EZR: variants seen among roughly 807,000 people sequenced by gnomAD.
EZR encodes the protein ezrin, also known as cytovillin 2.
A neutral mutation model predicts 74.8 loss-of-function variants in EZR; 40 were observed. That is an observed-to-expected ratio of 0.53 (90% CI 0.42 to 0.70). EZR has a LOEUF of 0.70. EZR is among the 30% of genes least tolerant of loss of function. EZR has a pLI of 0.00. For synonymous variants in EZR, 341 were observed against 283.3 expected (o/e 1.20, Z -2.05); for missense variants, 678 against 755.8 (o/e 0.90, Z 1.21).
intron 2 of EZR, among the ~76,000 whole-genome samples, chr6:158,816,797 C>T (rs1777566626): frequency 6.6e-6 from 1 of 152,094 alleles, no homozygotes; most frequent in African/African-American, 2.4e-5. Flanking sequence ...ACAGAAGAAG[C>T]ACACAAGGCC....
At chr6:158,805,145 A>G (rs1472531661) in intron 2 of EZR, among the ~76,000 whole-genome samples, 1 of 151,918 alleles carries the variant, frequency 6.6e-6, no homozygotes, top group Non-Finnish European at 1.5e-5. Context: ...GACCAAGACC[A>G]TCCTGGCCAA....
At chr6:158,780,885 G>A (rs1301841241) in intron 7 of EZR, among the ~76,000 whole-genome samples, 1 of 152,082 alleles carries the variant, frequency 6.6e-6, no homozygotes, top group African/African-American at 2.4e-5. Flanking sequence ...TCCAAGCTAA[G>A]GGTTTAAAGA....
chr6:158,768,291 G>A (rs1217864051), intron 12 of EZR, among the ~76,000 whole-genome samples: 2 of 152,032 alleles, frequency 1.3e-5, no homozygotes, highest in Admixed American at 6.6e-5. Context: ...CTTCTGCCAC[G>A]ATTGTAAATT....
rs142190593 is a variant in EZR, at chr6:158,771,041, G to A, written c.960-147C>T. Reference sequence around the variant, plus strand: ...CTGCTGCCAGCCTGAGCTGCCTGACGGAGCAGCCGCTCCAGGGCTGACAAC... The same window carrying A: ...CTGCTGCCAGCCTGAGCTGCCTGACAGAGCAGCCGCTCCAGGGCTGACAAC... On this transcript the variant is annotated intron_variant, in intron 9 of 13. Coordinates refer to ENST00000367075, the MANE Select transcript of EZR (RefSeq NM_001111077.2). 1,608 of 1,378,674 alleles carry A rather than the reference G, an allele frequency of 1.2e-3. 7 individuals are homozygous for A. Among genetic ancestry groups the A allele is most frequent in the African/African-American group, 0.011 (769 of 69,694 alleles). The allele number at this position is 1,378,674 out of a possible 1,614,324, so 85.4% of individuals were successfully genotyped here. A position where few individuals can be genotyped will look rare whatever the true frequency, so the allele number is the denominator to read the frequency against.
At chr6:158,808,201 G>C in intron 2 of EZR, among the ~76,000 whole-genome samples, 1 of 152,156 alleles carries the variant, frequency 6.6e-6, no homozygotes, top group East Asian at 1.9e-4. Context: ...CTTATCTATG[G>C]GGAACATCTG....
intron 5 of EZR, 46 bp from the exon 6 acceptor site, chr6:158,784,773 C>T (rs749317363): frequency 6.4e-7 from 1 of 1,569,604 alleles, no homozygotes; most frequent in South Asian, 1.1e-5. Context: ...AGGAATGTGA[C>T]AGGCAAGGAA....
At chr6:158,789,926 GT>G (rs992804888) in intron 2 of EZR, among the ~76,000 whole-genome samples, 8 of 152,146 alleles carry the variant, frequency 5.3e-5, no homozygotes, top group East Asian at 1.9e-4. Context: ...AACCTAAGCA[GT>G]TTTTTTCTTT....
At chr6:158,789,608 T>G in intron 2 of EZR, 1 of 646,484 alleles carries the variant, frequency 1.5e-6, no homozygotes, top group Non-Finnish European at 2.9e-6. Context: ...ACACTGACAC[T>G]TAGGTCTAAG....
At chr6:158,791,212 G>C (rs1483671019) in intron 2 of EZR, among the ~76,000 whole-genome samples, 4 of 152,060 alleles carry the variant, frequency 2.6e-5, no homozygotes, top group African/African-American at 9.7e-5. Context: ...TCCAGATCTT[G>C]TTTCAAAAGT....
chr6:158,801,256 A>C (rs1398936144), intron 2 of EZR, among the ~76,000 whole-genome samples: 2 of 152,208 alleles, frequency 1.3e-5, no homozygotes, highest in Non-Finnish European at 2.9e-5. Flanking sequence ...CTGGGATTAC[A>C]GGCGTGCATC....
At chr6:158,816,516 T>C (rs1359617861) in intron 2 of EZR, among the ~76,000 whole-genome samples, 2 of 152,232 alleles carry the variant, frequency 1.3e-5, no homozygotes, top group East Asian at 1.9e-4. Flanking sequence ...CTCCTCCGCA[T>C]ACCGTTGCAC....
At position 158,767,633 on chromosome 6, in the gene EZR, C is replaced by A; in HGVS notation, c.1345-121G>T. The A allele has an allele frequency of 5.5e-6, 6 of 1,093,518 alleles. No individual in the cohort carries two copies. In the South Asian group the frequency reaches 8.7e-5, roughly 16 times the overall value. The allele number at this position is 1,093,518 out of a possible 1,614,324, so 67.7% of individuals were successfully genotyped here. A position where few individuals can be genotyped will look rare whatever the true frequency, so the allele number is the denominator to read the frequency against. Reference sequence around the variant, plus strand: ...TAAGGCAGCACTGAACTGTGCTGGGCTGTGGCTTCGAAGAGGAGCACCCTC... The same window carrying A: ...TAAGGCAGCACTGAACTGTGCTGGGATGTGGCTTCGAAGAGGAGCACCCTC... On this transcript the variant is annotated intron_variant, in intron 12 of 13. Transcript: ENST00000367075.
At chr6:158,769,574 C>T (rs942909398) in intron 11 of EZR, among the ~76,000 whole-genome samples, 156 bp from the exon 12 acceptor site, 4 of 152,178 alleles carry the variant, frequency 2.6e-5, no homozygotes, top group Admixed American at 6.5e-5. Context: ...ATTGTGCACC[C>T]CCGGCATCTC....
In EZR at chr6:158,818,113, T is replaced by TCCTC; in HGVS notation, c.-24_-21dup. 6.2e-7 allele frequency: 1 copy of TCCTC among 1,607,162 alleles called. No homozygotes were observed. The highest frequency in any genetic ancestry group is 8.5e-7 in the Non-Finnish European group (1 of 1,175,360). On this transcript the variant is annotated 5_prime_UTR_variant, in exon 2 of 14. Transcript: ENST00000367075. ...CGGCATTTTCGGTTTCTGGTGAGTA[T>TCCTC]CCTCGATCCCCGAAAACACGACTAT...
intron 8 of EZR, among the ~76,000 whole-genome samples, chr6:158,772,978 C>T (rs1392854846): frequency 6.6e-6 from 1 of 152,170 alleles, no homozygotes; most frequent in Non-Finnish European, 1.5e-5. Context: ...CTGGGTGGGG[C>T]TGTCTTTGGG....
chr6:158,787,282 C>T (rs753391564), intron 3 of EZR, 79 bp from the exon 4 acceptor site: 44 of 1,186,382 alleles, frequency 3.7e-5, no homozygotes, highest in Non-Finnish European at 5.2e-5. Flanking sequence ...TCGTTCATCA[C>T]ATGGTCTAGC....
At chr6:158,789,627 CTCTTT>C in intron 2 of EZR, 1 of 552,308 alleles carries the variant, frequency 1.8e-6, no homozygotes, top group Non-Finnish European at 3.5e-6. Context: ...AGCAGTTTTT[CTCTTT>C]TCTTTGAGAC....
intron 8 of EZR, among the ~76,000 whole-genome samples, chr6:158,774,152 A>T (rs3123102): frequency 0.52 from 79,327 of 152,044 alleles, 21,649 homozygotes; most frequent in Non-Finnish European, 0.61. Context: ...CTTTTTTACA[A>T]GAAAGTTCGA....
intron 2 of EZR, among the ~76,000 whole-genome samples, chr6:158,790,076 GT>G (rs1791695561): frequency 6.6e-6 from 1 of 152,194 alleles, no homozygotes; most frequent in African/African-American, 2.4e-5. Context: ...GAATCAGAAG[GT>G]TTGAAGCAAC....
Sources: allele counts gnomAD v4.1 joint callset (sites outside exome capture counted in the v4.1 genomes callset), GRCh38; gene constraint gnomAD v4.1.1; transcripts MANE v1.5; gene names NCBI Gene and HGNC (gene_info 2026-07-23, HGNC 2026-07-21).